The following ZSCAN25 variants were observed in gnomAD, a reference collection of about 807,000 sequenced individuals.
The protein encoded by ZSCAN25 is zinc finger and SCAN domain containing 25.
A neutral mutation model predicts 38.7 loss-of-function variants in ZSCAN25; 27 were observed. The observed-to-expected ratio is 0.70, with a 90% CI of 0.51 to 0.96. The LOEUF (loss-of-function observed/expected upper bound fraction) is 0.96. ZSCAN25 is among the 40% of genes least tolerant of loss of function. ZSCAN25 has a pLI of 0.00. For synonymous variants in ZSCAN25, 273 were observed against 277.7 expected (o/e 0.98, Z 0.17); for missense variants, 637 against 705.9 (o/e 0.90, Z 1.11).
At chr7:99,645,753 T>C in the ZSCAN25 span, among the ~76,000 whole-genome samples, 7 of 152,232 alleles carry the variant, frequency 4.6e-5, no homozygotes, top group African/African-American at 1.7e-4. Flanking sequence ...ATGTATGTCT[T>C]CTTTTGAAAA....
At chr7:99,690,581 A>G in the ZSCAN25 span, among the ~76,000 whole-genome samples, 2 of 152,140 alleles carry the variant, frequency 1.3e-5, no homozygotes, top group Non-Finnish European at 2.9e-5. Context: ...ATCTACAATG[A>G]TCTCAAACAA....
At chr7:99,673,369 A>G in the ZSCAN25 span, among the ~76,000 whole-genome samples, 1 of 152,216 alleles carries the variant, frequency 6.6e-6, no homozygotes, top group Non-Finnish European at 1.5e-5. Context: ...CCCCTCTGAC[A>G]GGGAACAGCT....
At chr7:99,727,106 A>G in the ZSCAN25 span, among the ~76,000 whole-genome samples, 1 of 152,174 alleles carries the variant, frequency 6.6e-6, no homozygotes, top group Non-Finnish European at 1.5e-5. Context: ...CCTTGAAGAC[A>G]GCTCTAGAGG....
the ZSCAN25 span, among the ~76,000 whole-genome samples, chr7:99,726,955 T>C: frequency 2.0e-5 from 3 of 152,188 alleles, no homozygotes; most frequent in South Asian, 2.1e-4. Flanking sequence ...AAACAACTCC[T>C]TTCCTTCCTG....
the ZSCAN25 span, among the ~76,000 whole-genome samples, chr7:99,643,422 G>GC: frequency 6.6e-5 from 10 of 151,712 alleles, no homozygotes; most frequent in African/African-American, 1.5e-4. Context: ...ACCCATTGCT[G>GC]CCCCCCCTTT....
chr7:99,642,848 C>T, the ZSCAN25 span, among the ~76,000 whole-genome samples: 1 of 152,124 alleles, frequency 6.6e-6, no homozygotes, highest in Non-Finnish European at 1.5e-5. Context: ...TTGGTACATA[C>T]TAGTCACTCA....
chr7:99,653,932 G>T, the ZSCAN25 span, among the ~76,000 whole-genome samples: 1 of 152,164 alleles, frequency 6.6e-6, no homozygotes, highest in Non-Finnish European at 1.5e-5. This position sits in a 1 kb window ranked among gnomAD's most constrained non-coding sequence, Gnocchi z 4.2. Context: ...AGACAGGTGT[G>T]GGGAGAGCTG....
chr7:99,713,342 C>T, the ZSCAN25 span: 95,150 of 1,439,210 alleles, frequency 0.066, 3,589 homozygotes, highest in African/African-American at 0.13. Context: ...TTTTAACATC[C>T]AAACCTGTGT....
At position 99,631,397 on chromosome 7, in the gene ZSCAN25, G is replaced by A. The variant is rs1001060013; in HGVS notation, c.*1377G>A. 1.2e-4 allele frequency: 115 copies of A among 985,376 alleles called. No homozygotes were observed. The highest frequency in any genetic ancestry group is 1.0e-3 in the Middle Eastern group (2 of 1,914). The allele number at this position is 985,376 out of a possible 1,614,324, so 61.0% of individuals were successfully genotyped here. On this transcript the variant is annotated 3_prime_UTR_variant, in exon 8 of 8. Coordinates refer to ENST00000394152, the MANE Select transcript of ZSCAN25 (RefSeq NM_145115.3). Reference sequence around the variant, plus strand: ...TTAAAAATGAGAAGATGCAATATTTGTAAACTGTTGAAGCTTCCTTATTGT... The same window carrying A: ...TTAAAAATGAGAAGATGCAATATTTATAAACTGTTGAAGCTTCCTTATTGT...
the ZSCAN25 span, among the ~76,000 whole-genome samples, chr7:99,685,406 TATG>T: frequency 6.6e-6 from 1 of 152,052 alleles, no homozygotes; most frequent in Non-Finnish European, 1.5e-5. Context: ...CCAAGGAAAA[TATG>T]AGGAGGATTT....
the ZSCAN25 span, chr7:99,700,049 T>C: frequency 1.9e-6 from 3 of 1,576,624 alleles, no homozygotes; most frequent in Admixed American, 3.3e-5. Context: ...ACTTGCCTTC[T>C]TCAACTGTCT....
At chr7:99,735,329 CA>C in the ZSCAN25 span, 2 of 545,334 alleles carry the variant, frequency 3.7e-6, no homozygotes, top group Non-Finnish European at 6.6e-6. Context: ...GGCAAATAAT[CA>C]CACACACACC....
At chr7:99,717,242 A>G in the ZSCAN25 span, 1 of 1,613,870 alleles carries the variant, frequency 6.2e-7, no homozygotes, top group Non-Finnish European at 8.5e-7. Flanking sequence ...ACACATCTCC[A>G]TACTGGGCAA....
At chr7:99,696,627 TAAAA>T in the ZSCAN25 span, among the ~76,000 whole-genome samples, 1 of 152,164 alleles carries the variant, frequency 6.6e-6, no homozygotes, top group Non-Finnish European at 1.5e-5. Flanking sequence ...ATCCACAACT[TAAAA>T]AACCAATTTC....
chr7:99,645,954 C>T, the ZSCAN25 span, among the ~76,000 whole-genome samples: 6 of 151,684 alleles, frequency 4.0e-5, no homozygotes, highest in Non-Finnish European at 7.4e-5. Context: ...GGTCTCTATT[C>T]TGTTCCATTG....
chr7:99,722,515 T>C, the ZSCAN25 span, among the ~76,000 whole-genome samples: 3 of 152,172 alleles, frequency 2.0e-5, no homozygotes, highest in Non-Finnish European at 4.4e-5. Flanking sequence ...AGAGGAGGTA[T>C]TTGAAATGGG....
chr7:99,713,207 C>T, the ZSCAN25 span, among the ~76,000 whole-genome samples: 7 of 152,148 alleles, frequency 4.6e-5, no homozygotes, highest in African/African-American at 1.7e-4. Flanking sequence ...GGCATTTGAT[C>T]TTATGTAGGT....
chr7:99,729,412 T>C, the ZSCAN25 span, among the ~76,000 whole-genome samples: 8 of 152,064 alleles, frequency 5.3e-5, no homozygotes, highest in African/African-American at 1.9e-4. Flanking sequence ...AGAAACATCA[T>C]CCATTATCTC....
At chr7:99,638,045 C>T in the ZSCAN25 span, among the ~76,000 whole-genome samples, 1,573 of 152,240 alleles carry the variant, frequency 0.01, 13 homozygotes, top group Non-Finnish European at 0.015. Flanking sequence ...CTCAGAGCAT[C>T]CTAACGCAAA....
Sources: allele counts gnomAD v4.1 joint callset (sites outside exome capture counted in the v4.1 genomes callset), GRCh38; gene constraint gnomAD v4.1.1; non-coding constraint Gnocchi (gnomAD v3.1); transcripts MANE v1.5; gene names NCBI Gene and HGNC (gene_info 2026-07-23, HGNC 2026-07-21).